DIP2C: variants seen among roughly 807,000 people sequenced by gnomAD.
DIP2C encodes the protein DIP2 acetate--CoA ligase C (putative).
A neutral mutation model predicts 192.4 loss-of-function variants in DIP2C; 33 were observed. That is an observed-to-expected ratio of 0.17 (90% CI 0.13 to 0.23). The LOEUF (loss-of-function observed/expected upper bound fraction) is 0.23. DIP2C is among the 10% of genes least tolerant of loss of function. The pLI, the probability that DIP2C is intolerant of heterozygous loss-of-function variation, is 1.00. For synonymous variants in DIP2C, 979 were observed against 864.1 expected, an observed-to-expected ratio of 1.13 and a Z score of -2.33; for missense variants, 1,537 against 2,110.1, an observed-to-expected ratio of 0.73 and a Z score of 5.32.
intron 1 of DIP2C, among the ~76,000 whole-genome samples, chr10:546,532 GT>G (rs775959388): frequency 1.1e-4 from 17 of 152,296 alleles, no homozygotes; most frequent in Admixed American, 2.0e-4. Context: ...GCTATATACA[GT>G]TAGGAAGAAG....
At chr10:586,137 A>AT (rs1469311651) in intron 1 of DIP2C, among the ~76,000 whole-genome samples, 1 of 152,176 alleles carries the variant, frequency 6.6e-6, no homozygotes, top group Non-Finnish European at 1.5e-5. Flanking sequence ...CCACGTCTTC[A>AT]TTCCACGTTT....
Position 508,790 on chromosome 10 carries a change from G to A in DIP2C, c.86-22260C>T, listed in dbSNP as rs1010294682. 1.1e-4 allele frequency among the ~76,000 whole-genome samples: 16 copies of A among 152,204 alleles called. 1 individual carries two copies. The highest frequency in any genetic ancestry group is 2.1e-4 in the South Asian group (1 of 4,826). Reference sequence around the variant, plus strand: ...CTGTACCGCACATACAGGAGATGGCGAGACGAGACTGGCTGGAGATGGGAA... The same window carrying A: ...CTGTACCGCACATACAGGAGATGGCAAGACGAGACTGGCTGGAGATGGGAA... On this transcript the variant is annotated intron_variant, in intron 1 of 36. Coordinates refer to ENST00000280886, the MANE Select transcript of DIP2C (RefSeq NM_014974.3).
At chr10:317,030 G>T (rs1403053584) in intron 31 of DIP2C, among the ~76,000 whole-genome samples, 1 of 152,178 alleles carries the variant, frequency 6.6e-6, no homozygotes, top group African/African-American at 2.4e-5. Flanking sequence ...GTTGGAACAA[G>T]AGTCTCTTGT....
chr10:579,762 T>A (rs925221863), intron 1 of DIP2C, among the ~76,000 whole-genome samples: 1 of 152,182 alleles, frequency 6.6e-6, no homozygotes, highest in Non-Finnish European at 1.5e-5. Flanking sequence ...TGTATGTACA[T>A]GCAGAGCATA....
chr10:396,774 C>T (rs568100254), intron 10 of DIP2C, among the ~76,000 whole-genome samples: 4 of 146,152 alleles, frequency 2.7e-5, no homozygotes, highest in Admixed American at 2.1e-4. Context: ...AAGCACCTCA[C>T]GGGAAGTCTG....
intron 31 of DIP2C, among the ~76,000 whole-genome samples, chr10:326,111 C>T (rs72772838): frequency 0.028 from 4,265 of 151,938 alleles, 80 homozygotes; most frequent in Non-Finnish European, 0.045. Flanking sequence ...AGCCTGGGAG[C>T]GGGGGGCAGG....
intron 2 of DIP2C, among the ~76,000 whole-genome samples, chr10:473,487 T>C (rs1270796510): frequency 1.5e-5 from 2 of 134,432 alleles, no homozygotes; most frequent in African/African-American, 2.9e-5. Context: ...GGCTCTGATA[T>C]CACAGAAAGG....
intron 32 of DIP2C, among the ~76,000 whole-genome samples, chr10:295,928 G>A (rs1238859214): frequency 6.6e-6 from 1 of 152,218 alleles, no homozygotes; most frequent in Admixed American, 6.5e-5. Flanking sequence ...CTTTTGAGAA[G>A]TGTCTGTTCA....
At chr10:317,031 A>C (rs1054385545) in intron 31 of DIP2C, among the ~76,000 whole-genome samples, 2 of 152,226 alleles carry the variant, frequency 1.3e-5, no homozygotes, top group African/African-American at 4.8e-5. Flanking sequence ...TTGGAACAAG[A>C]GTCTCTTGTG....
intron 32 of DIP2C, among the ~76,000 whole-genome samples, chr10:293,370 G>A (rs893065512): frequency 6.6e-6 from 1 of 152,218 alleles, no homozygotes; most frequent in African/African-American, 2.4e-5. Context: ...GCACAGCCAC[G>A]CTCACCGTGT....
At chr10:375,259 G>T (rs890703660) in intron 17 of DIP2C, among the ~76,000 whole-genome samples, 1 of 152,114 alleles carries the variant, frequency 6.6e-6, no homozygotes, top group African/African-American at 2.4e-5. Flanking sequence ...GAATAGAGCT[G>T]GGCACCTCCT....
chr10:638,316 T>C (rs1263133613), intron 1 of DIP2C, among the ~76,000 whole-genome samples: 1 of 152,248 alleles, frequency 6.6e-6, no homozygotes, highest in African/African-American at 2.4e-5. Flanking sequence ...AATAAATGAA[T>C]TTTTAAAATT....
rs372865822 is a variant in DIP2C, at chr10:288,370, C to T, written c.4038G>A (p.Ser1346=). The T allele has an allele frequency of 2.7e-5, 43 of 1,613,980 alleles. No individual in the cohort carries two copies. The highest frequency in any genetic ancestry group is 1.6e-4 in the Middle Eastern group (1 of 6,062). The change falls in exon 33 of 37, where the codon TCG becomes TCA. Residue 1346 remains serine, a synonymous_variant. Transcript: ENST00000280886. The part of the protein sequence containing the change: ...GSPHSLPLME[S]GKILPGVRII... ...CTCTTCCTATAATACTTACCTTTCC[C>T]GATTCCATCAGGGGCAGACTATGAG...
At chr10:515,224 T>TA (rs1388656788) in intron 1 of DIP2C, among the ~76,000 whole-genome samples, 12 of 152,206 alleles carry the variant, frequency 7.9e-5, no homozygotes, top group African/African-American at 2.7e-4. Flanking sequence ...AAAGAATCTT[T>TA]AAAAATCTTA....
intron 31 of DIP2C, among the ~76,000 whole-genome samples, chr10:325,432 T>C (rs926071112): frequency 2.0e-5 from 3 of 152,178 alleles, no homozygotes; most frequent in Non-Finnish European, 2.9e-5. Flanking sequence ...CTCTCTGCTC[T>C]CTCCCTTCAG....
intron 1 of DIP2C, among the ~76,000 whole-genome samples, chr10:546,540 G>T (rs751109864): frequency 6.6e-6 from 1 of 152,224 alleles, no homozygotes; most frequent in Non-Finnish European, 1.5e-5. Context: ...CAGTTAGGAA[G>T]AAGTATTTTT....
rs141110522 is a variant in DIP2C at position 389,107 on chromosome 10, C to T, written c.1597+884G>A. On this transcript the variant is annotated intron_variant, in intron 13 of 36. Coordinates refer to ENST00000280886, the MANE Select transcript of DIP2C (RefSeq NM_014974.3). Reference sequence around the variant, plus strand: ...GTTCTCTGGGGGTTCTCTGAGGTCTCAAGGGGCCTTGGGGCATCCCAAGGG... The same window carrying T: ...GTTCTCTGGGGGTTCTCTGAGGTCTTAAGGGGCCTTGGGGCATCCCAAGGG... Among the ~76,000 whole-genome samples, 436 of 136,842 alleles carry T rather than the reference C, an allele frequency of 3.2e-3. 3 individuals are homozygous for T. Among genetic ancestry groups the T allele is most frequent in the Admixed American group, 5.9e-3 (73 of 12,436 alleles). The allele number at this position is 136,842 out of a possible 152,430, so 89.8% of individuals were successfully genotyped here. A position where few individuals can be genotyped will look rare whatever the true frequency, so the allele number is the denominator to read the frequency against.
chr10:347,538 A>C (rs1224219747), intron 26 of DIP2C, among the ~76,000 whole-genome samples: 1 of 122,804 alleles, frequency 8.1e-6, no homozygotes, highest in East Asian at 2.8e-4. Flanking sequence ...CACCCAACCC[A>C]GACACATCGC....
intron 1 of DIP2C, chr10:649,820 G>C (rs1855740326): frequency 4.5e-6 from 2 of 442,798 alleles, no homozygotes; most frequent in Non-Finnish European, 8.1e-6. Context: ...CTTTCTGGCA[G>C]AAAACCATTG....
Sources: gnomAD v4.1 joint callset for allele counts (sites outside exome capture counted in the v4.1 genomes callset) on GRCh38, gnomAD v4.1.1 for gene constraint, MANE v1.5 for transcripts, NCBI Gene and HGNC (gene_info 2026-07-23, HGNC 2026-07-21) for gene names.